Variants in UNC13C observed in about 807,000 individuals in gnomAD.
UNC13C encodes the protein protein unc-13 homolog C.
A neutral mutation model predicts 245.4 loss-of-function variants in UNC13C; 174 were observed. That is an observed-to-expected ratio of 0.71 (90% CI 0.63 to 0.80). The LOEUF is 0.80. Among genes scored for constraint, UNC13C ranks in the 30% least tolerant of loss-of-function variants. The probability of loss-of-function intolerance (pLI) is 0.00; values close to 1 mark genes in which losing one functional copy is unlikely to be tolerated. For missense variants in UNC13C, 2,829 were observed against 2,602.9 expected (o/e 1.09, Z -1.89); for synonymous variants, 992 against 895.1 (o/e 1.11, Z -1.93).
chr15:54,081,345 T>C (rs182082668), intron 2 of UNC13C, among the ~76,000 whole-genome samples: 50 of 152,244 alleles, frequency 3.3e-4, no homozygotes, highest in Admixed American at 2.9e-3. Context: ...GTTACTTTAT[T>C]AGCTTATGCT....
chr15:54,089,723 C>T (rs1399729317), intron 2 of UNC13C, among the ~76,000 whole-genome samples: 4 of 150,250 alleles, frequency 2.7e-5, no homozygotes, highest in Admixed American at 2.0e-4. Context: ...ATGCACTTCA[C>T]CTTTGGATTC....
chr15:53,927,697 C>T, the UNC13C span, among the ~76,000 whole-genome samples: 1 of 152,138 alleles, frequency 6.6e-6, no homozygotes, highest in Non-Finnish European at 1.5e-5. Context: ...ATTTGGGAGT[C>T]ATCAGTAGAA....
chr15:53,972,807 C>T, the UNC13C span: 1 of 152,226 alleles, frequency 6.6e-6, no homozygotes, highest in Non-Finnish European at 1.5e-5. Flanking sequence ...GAAAGGAAGT[C>T]ATTGTTGTTT....
chr15:54,076,276 A>G (rs1436176630), intron 2 of UNC13C, among the ~76,000 whole-genome samples: 1 of 92,582 alleles, frequency 1.1e-5, no homozygotes, highest in Non-Finnish European at 2.0e-5. Flanking sequence ...ACCCCACCAC[A>G]GTCCCCAGAG....
At position 54,294,074 on chromosome 15, in the gene UNC13C, T is replaced by A. The variant is rs956964718; in HGVS notation, c.3988+10T>A. On this transcript the variant is annotated intron_variant, in intron 11 of 32. Transcript: ENST00000260323. The stretch of plus-strand genomic sequence containing the variant: ...GTCTGGTACAACTTAGGTGATTTTT[T>A]TTTTTATCTACTTGAAAACGAGTTA... 3 of 1,501,974 alleles carry A rather than the reference T, an allele frequency of 2.0e-6. No individual in the cohort carries two copies. The African/African-American group carries it at 4.3e-5, about 22-fold the overall frequency. The allele number at this position is 1,501,974 out of a possible 1,614,324, so 93.0% of individuals were successfully genotyped here. A position where few individuals can be genotyped will look rare whatever the true frequency, so the allele number is the denominator to read the frequency against.
At chr15:54,222,133 T>C (rs1170484004) in intron 4 of UNC13C, among the ~76,000 whole-genome samples, 2 of 152,068 alleles carry the variant, frequency 1.3e-5, no homozygotes, top group Admixed American at 1.3e-4. Flanking sequence ...TTAGTTATTT[T>C]TAAATGTACA....
At chr15:54,442,461 G>T (rs1176156868) in intron 19 of UNC13C, among the ~76,000 whole-genome samples, 1 of 151,996 alleles carries the variant, frequency 6.6e-6, no homozygotes, top group Non-Finnish European at 1.5e-5. Flanking sequence ...AACCTCAGGT[G>T]ATCCACCTGC....
chr15:54,370,058 C>T (rs754183884), intron 17 of UNC13C, among the ~76,000 whole-genome samples: 1 of 152,126 alleles, frequency 6.6e-6, no homozygotes. Context: ...TGCTATAACT[C>T]ACTTATTGTA....
intron 17 of UNC13C, among the ~76,000 whole-genome samples, chr15:54,385,939 A>C (rs2140906706): frequency 6.6e-6 from 1 of 152,324 alleles, no homozygotes; most frequent in South Asian, 2.1e-4. Context: ...ATAATTCTCA[A>C]ACTGCAAATG....
At chr15:54,449,881 GT>G (rs1567282975) in intron 19 of UNC13C, among the ~76,000 whole-genome samples, 1 of 152,282 alleles carries the variant, frequency 6.6e-6, no homozygotes, top group Admixed American at 6.5e-5. Flanking sequence ...TTTCTGCTCT[GT>G]TTTTTCCCCA....
At chr15:54,061,520 C>T (rs149833782) in intron 2 of UNC13C, among the ~76,000 whole-genome samples, 1 of 152,210 alleles carries the variant, frequency 6.6e-6, no homozygotes, top group Non-Finnish European at 1.5e-5. Flanking sequence ...AACTTAAAGG[C>T]CTCTGAGGAA....
In UNC13C at chr15:54,494,711, G is replaced by T. The variant is rs200464857; in HGVS notation, c.5037G>T (p.Lys1679Asn). 3.5e-5 allele frequency: 56 copies of T among 1,610,138 alleles called. No individual in the cohort carries two copies. The highest frequency in any genetic ancestry group is 4.2e-6 in the Non-Finnish European group (5 of 1,178,338). ...NEYVRELPAF[K>N]DAVPEYSLWF... ...ATGTGCGTGAACTTCCTGCCTTCAA[G>T]GATGCTGTTCCTGAATACTCCTTGT... The change falls in exon 20 of 33, where the codon AAG (lysine) becomes AAT (asparagine). Residue 1679 changes from lysine to asparagine, a missense_variant. Transcript: ENST00000260323.
At chr15:53,928,930 G>T in the UNC13C span, among the ~76,000 whole-genome samples, 3 of 152,194 alleles carry the variant, frequency 2.0e-5, no homozygotes, top group African/African-American at 7.2e-5. Context: ...CAGTGGTGAT[G>T]ATTACATCAT....
rs554065567 is a variant in UNC13C, at chr15:54,461,688, A to T, written c.4934-32920A>T. 1.4e-3 allele frequency among the ~76,000 whole-genome samples: 214 copies of T among 152,282 alleles called. 1 individual carries two copies. The highest frequency in any genetic ancestry group is 4.0e-4 in the Non-Finnish European group (27 of 68,014). ...TGAGTCATTGAGTAAATCAGGTAGG[A>T]TTCACTAAATAAATAGACTGGCTAC... On this transcript the variant is annotated intron_variant, in intron 19 of 32. Coordinates refer to ENST00000260323, the MANE Select transcript of UNC13C (RefSeq NM_001080534.3).
chr15:54,584,701 G>T (rs1280814937), intron 30 of UNC13C, among the ~76,000 whole-genome samples: 1 of 152,254 alleles, frequency 6.6e-6, no homozygotes, highest in Non-Finnish European at 1.5e-5. Flanking sequence ...TATTCACTAA[G>T]AAAACATTAT....
chr15:54,247,868 C>A (rs2036038224), intron 7 of UNC13C, among the ~76,000 whole-genome samples: 1 of 151,936 alleles, frequency 6.6e-6, no homozygotes, highest in Non-Finnish European at 1.5e-5. Flanking sequence ...GAAATCTGCT[C>A]AGCTGTTTAT....
chr15:54,512,587 G>T (rs1244240670), intron 24 of UNC13C, among the ~76,000 whole-genome samples: 1 of 152,182 alleles, frequency 6.6e-6, no homozygotes, highest in East Asian at 1.9e-4. Context: ...GAGGACTGGA[G>T]AAGGTGCTGA....
the UNC13C span, among the ~76,000 whole-genome samples, chr15:53,957,361 G>A: frequency 1.3e-5 from 2 of 152,120 alleles, no homozygotes; most frequent in African/African-American, 4.8e-5. Flanking sequence ...TCGAACTCCT[G>A]GCCTCAAGTG....
intron 17 of UNC13C, among the ~76,000 whole-genome samples, chr15:54,389,732 CT>C (rs913599439): frequency 5.0e-4 from 73 of 145,142 alleles, no homozygotes; most frequent in Admixed American, 6.9e-4. Flanking sequence ...TTGCATTTTT[CT>C]TTTTTTTTTT....
Sources: allele counts gnomAD v4.1 joint callset (sites outside exome capture counted in the v4.1 genomes callset), GRCh38; gene constraint gnomAD v4.1.1; transcripts MANE v1.5; gene names NCBI Gene and HGNC (gene_info 2026-07-23, HGNC 2026-07-21).